The following KDM1A variants were observed in gnomAD, a reference collection of about 807,000 sequenced individuals.
The protein encoded by KDM1A is lysine-specific histone demethylase 1A.
A neutral mutation model predicts 109.4 loss-of-function variants in KDM1A; 49 were observed. That is an observed-to-expected ratio of 0.45 (90% confidence interval 0.36 to 0.57). KDM1A has a LOEUF of 0.57. Among genes scored for constraint, KDM1A ranks in the 20% least tolerant of loss-of-function variants. The probability of loss-of-function intolerance (pLI) is 0.00; values close to 1 mark genes in which losing one functional copy is unlikely to be tolerated. For missense variants in KDM1A, 668 were observed against 1,116.6 expected, an observed-to-expected ratio of 0.60 and a Z score of 5.73; for synonymous variants, 380 against 415.4, an observed-to-expected ratio of 0.91 and a Z score of 1.04.
chr1:23,066,972 T>G (rs532937866), intron 10 of KDM1A, among the ~76,000 whole-genome samples: 80 of 152,192 alleles, frequency 5.3e-4, no homozygotes, highest in Non-Finnish European at 1.0e-3. Flanking sequence ...AAGGGTCTCT[T>G]CCATCAGCTC....
chr1:23,058,831 G>A (rs1642915756), intron 8 of KDM1A, among the ~76,000 whole-genome samples: 1 of 152,116 alleles, frequency 6.6e-6, no homozygotes, highest in Non-Finnish European at 1.5e-5. Context: ...GTGTGGGTCT[G>A]TAATTTTATA....
chr1:23,065,633 A>C (rs1295781467), intron 9 of KDM1A, among the ~76,000 whole-genome samples: 1 of 152,200 alleles, frequency 6.6e-6, no homozygotes, highest in Admixed American at 6.5e-5. Flanking sequence ...TCGGGTTAGA[A>C]TGGTGTACCG....
intron 4 of KDM1A, among the ~76,000 whole-genome samples, chr1:23,051,468 C>T (rs1316265155): frequency 1.3e-5 from 2 of 152,198 alleles, no homozygotes; most frequent in African/African-American, 4.8e-5. Context: ...CCCTCCCCTC[C>T]GCATTGCCCT....
intron 4 of KDM1A, among the ~76,000 whole-genome samples, chr1:23,053,035 G>A (rs1483789354): frequency 6.6e-6 from 1 of 152,118 alleles, no homozygotes; most frequent in African/African-American, 2.4e-5. Context: ...AGTGTCTGGC[G>A]TACCAACTCG....
chr1:23,034,026 C>T (rs1365455647), intron 2 of KDM1A, among the ~76,000 whole-genome samples: 1 of 152,068 alleles, frequency 6.6e-6, no homozygotes, highest in African/African-American at 2.4e-5. Context: ...TGTCTGATTG[C>T]ACTTATATAA....
chr1:23,041,844 T>TAA (rs144803602), intron 2 of KDM1A, among the ~76,000 whole-genome samples: 51 of 152,102 alleles, frequency 3.4e-4, no homozygotes, highest in African/African-American at 1.2e-3. Flanking sequence ...TTTTTTAAAT[T>TAA]AAAAAAAATC....
At chr1:23,020,086 C>G (rs1033533747) in intron 1 of KDM1A, 139 bp downstream of exon 1, 3 of 930,026 alleles carry the variant, frequency 3.2e-6, no homozygotes, top group Non-Finnish European at 2.9e-6. Context: ...CACGCCACGT[C>G]CCCTCTAGCT....
chr1:23,024,837 A>G (rs930845369), intron 1 of KDM1A, among the ~76,000 whole-genome samples: 1 of 152,228 alleles, frequency 6.6e-6, no homozygotes, highest in Non-Finnish European at 1.5e-5. Context: ...TAGATATAAT[A>G]TAAACAAAAT....
chr1:23,064,715 T>A (rs1402653156), intron 9 of KDM1A, among the ~76,000 whole-genome samples: 1 of 152,196 alleles, frequency 6.6e-6, no homozygotes, highest in African/African-American at 2.4e-5. Flanking sequence ...TTTCCCACAT[T>A]CTGCATGGGC....
chr1:23,051,261 T>C (rs1272305278), intron 4 of KDM1A, among the ~76,000 whole-genome samples: 1 of 152,228 alleles, frequency 6.6e-6, no homozygotes, highest in African/African-American at 2.4e-5. Context: ...GGGTTATAAT[T>C]TGACTGCTGG....
intron 7 of KDM1A, among the ~76,000 whole-genome samples, chr1:23,056,435 A>G (rs577347104): frequency 1.3e-5 from 2 of 152,250 alleles, no homozygotes; most frequent in East Asian, 3.9e-4. Flanking sequence ...TTAGAAGCCA[A>G]GATACTGGTT....
chr1:23,036,584 ATTCTTATG>A (rs990469967), intron 2 of KDM1A, among the ~76,000 whole-genome samples: 1 of 151,944 alleles, frequency 6.6e-6, no homozygotes. Flanking sequence ...ATTCAACAGA[ATTCTTATG>A]TTCTTATATT....
intron 16 of KDM1A, among the ~76,000 whole-genome samples, chr1:23,078,360 TGA>T (rs1643525868): frequency 6.6e-6 from 1 of 152,134 alleles, no homozygotes; most frequent in Admixed American, 6.5e-5. Flanking sequence ...ATATTTATTT[TGA>T]GATATATAAT....
chr1:23,080,015 G>A (rs571088525), intron 18 of KDM1A, among the ~76,000 whole-genome samples: 47 of 152,262 alleles, frequency 3.1e-4, no homozygotes, highest in African/African-American at 1.1e-3. Context: ...ACTTGCCCCT[G>A]ATTCTTTGAT....
chr1:23,070,865 T>G (rs1195012421), intron 12 of KDM1A, among the ~76,000 whole-genome samples: 1 of 152,108 alleles, frequency 6.6e-6, no homozygotes, highest in Non-Finnish European at 1.5e-5. Context: ...TAAGTTTAAG[T>G]TACATTAGCA....
chr1:23,046,203 G>A (rs1027833949), intron 3 of KDM1A, among the ~76,000 whole-genome samples: 12 of 152,116 alleles, frequency 7.9e-5, no homozygotes, highest in African/African-American at 2.7e-4. Context: ...TTGCTTCTTA[G>A]TGCAAAGACT....
chr1:23,049,965 C>G (rs1038526529), intron 3 of KDM1A, among the ~76,000 whole-genome samples: 3 of 152,126 alleles, frequency 2.0e-5, no homozygotes, highest in African/African-American at 7.2e-5. Context: ...AGTCATCTTT[C>G]TGTTTCATGC....
At chr1:23,027,531 A>G (rs1308566855) in intron 1 of KDM1A, among the ~76,000 whole-genome samples, 2 of 117,352 alleles carry the variant, frequency 1.7e-5, no homozygotes, top group Non-Finnish European at 3.3e-5. Context: ...GGTTCAAGTG[A>G]TCCACCTCAG....
At chr1:23,047,764 G>A (rs1315197874) in intron 3 of KDM1A, among the ~76,000 whole-genome samples, 6 of 152,096 alleles carry the variant, frequency 3.9e-5, no homozygotes, top group African/African-American at 9.7e-5. Context: ...AGACATAGTG[G>A]CTTGTACCTG....
Sources: gnomAD v4.1 joint callset for allele counts (sites outside exome capture counted in the v4.1 genomes callset) on GRCh38, gnomAD v4.1.1 for gene constraint, MANE v1.5 for transcripts, NCBI Gene and HGNC (gene_info 2026-07-23, HGNC 2026-07-21) for gene names.